The following FSTL4 variants were observed in gnomAD, a reference collection of about 807,000 sequenced individuals.
The protein encoded by FSTL4 is follistatin-related protein 4.
A neutral mutation model predicts 78.2 loss-of-function variants in FSTL4; 28 were observed. That is an observed-to-expected ratio of 0.36 (90% CI 0.27 to 0.49). The LOEUF is 0.49. FSTL4 is among the 20% of genes least tolerant of loss of function. The pLI is 0.98. For synonymous variants in FSTL4, 422 were observed against 440.5 expected (o/e 0.96, Z 0.53); for missense variants, 922 against 1,084.9 (o/e 0.85, Z 2.11).
chr5:133,448,347 G>A (rs900405944), intron 3 of FSTL4, among the ~76,000 whole-genome samples: 2 of 152,174 alleles, frequency 1.3e-5, no homozygotes, highest in African/African-American at 2.4e-5. Flanking sequence ...CACCCACACC[G>A]TCTGAAGGAG....
the FSTL4 span, among the ~76,000 whole-genome samples, chr5:133,689,208 C>T: frequency 3.9e-5 from 6 of 152,156 alleles, no homozygotes; most frequent in Non-Finnish European, 8.8e-5. Context: ...TCTGCCCTTG[C>T]CTTAGTTCCA....
At chr5:133,486,674 G>C (rs936713356) in intron 3 of FSTL4, among the ~76,000 whole-genome samples, 4 of 152,092 alleles carry the variant, frequency 2.6e-5, no homozygotes, top group African/African-American at 7.2e-5. Flanking sequence ...CAAAAACCTA[G>C]AAACGGCCCC....
chr5:133,804,479 C>T, the FSTL4 span, among the ~76,000 whole-genome samples: 3 of 151,950 alleles, frequency 2.0e-5, no homozygotes, highest in Non-Finnish European at 4.4e-5. Flanking sequence ...TGGCTGAAAA[C>T]ACACACACAG....
At chr5:133,783,569 G>A in the FSTL4 span, among the ~76,000 whole-genome samples, 6 of 152,186 alleles carry the variant, frequency 3.9e-5, no homozygotes, top group Non-Finnish European at 7.3e-5. Flanking sequence ...CCTCATCTGA[G>A]CTCCAGGCAA....
At chr5:133,781,558 C>T in the FSTL4 span, among the ~76,000 whole-genome samples, 2 of 152,160 alleles carry the variant, frequency 1.3e-5, no homozygotes, top group Admixed American at 6.5e-5. Context: ...CCAGATACCA[C>T]AGTGCTAGAG....
At chr5:133,781,103 C>A in the FSTL4 span, among the ~76,000 whole-genome samples, 1 of 152,180 alleles carries the variant, frequency 6.6e-6, no homozygotes, top group African/African-American at 2.4e-5. Flanking sequence ...ATGCTCTTGG[C>A]CCTCTGCATT....
At chr5:133,204,998 T>TTTAC (rs1272238886) in intron 14 of FSTL4, among the ~76,000 whole-genome samples, 1 of 117,578 alleles carries the variant, frequency 8.5e-6, no homozygotes, top group Non-Finnish European at 2.1e-5. Context: ...GATTTCATAC[T>TTTAC]TTTTTTTTGT....
chr5:133,785,433 CT>C, the FSTL4 span, among the ~76,000 whole-genome samples: 1 of 152,176 alleles, frequency 6.6e-6, no homozygotes, highest in African/African-American at 2.4e-5. Flanking sequence ...CAGGGAACCT[CT>C]ACATGCCCAG....
At position 133,249,484 on chromosome 5, in the gene FSTL4, C is replaced by T. The variant is rs151107205; in HGVS notation, c.820G>A (p.Gly274Arg). The T allele has an allele frequency of 2.7e-4, 429 of 1,613,650 alleles. No homozygotes were observed. The highest frequency in any genetic ancestry group is 3.3e-4 in the Non-Finnish European group (393 of 1,179,744). ...CAGATGATTGGTGGCCTCAGGTCTC[C>T]ATGGACGGCGCAGGTCAGCACTGTG... ...LSTVLTCAVH[G>R]DLRPPIIWKR... is the part of the protein sequence containing the mutation. The change falls in exon 7 of 16, where the codon GGA becomes AGA. Residue 274 changes from glycine to arginine, a missense_variant. Physicochemically the swap from Gly to Arg is moderately radical, Grantham distance 125. Coordinates refer to ENST00000265342, the MANE Select transcript of FSTL4 (RefSeq NM_015082.2).
At chr5:133,237,878 A>G (rs1349697891) in intron 7 of FSTL4, among the ~76,000 whole-genome samples, 2 of 147,880 alleles carry the variant, frequency 1.4e-5, no homozygotes, top group South Asian at 2.1e-4. Context: ...GCTCTGATGC[A>G]TAGAACTGTA....
chr5:133,479,206 G>GAC (rs1365673740), intron 3 of FSTL4, among the ~76,000 whole-genome samples: 55 of 152,302 alleles, frequency 3.6e-4, no homozygotes, highest in African/African-American at 1.3e-3. Context: ...ACAATCCCAT[G>GAC]AAGGCGGGGA....
At chr5:133,391,096 T>C (rs1028852153) in intron 4 of FSTL4, among the ~76,000 whole-genome samples, 1 of 152,172 alleles carries the variant, frequency 6.6e-6, no homozygotes, top group Non-Finnish European at 1.5e-5. Context: ...CATAAAACAC[T>C]TTGAGGCAGG....
the FSTL4 span, among the ~76,000 whole-genome samples, chr5:133,762,423 A>T: frequency 6.6e-6 from 1 of 152,220 alleles, no homozygotes; most frequent in South Asian, 2.1e-4. Context: ...TTTGGAATGT[A>T]GTCCCAGAAC....
chr5:133,702,166 G>A, the FSTL4 span, among the ~76,000 whole-genome samples: 2,643 of 152,264 alleles, frequency 0.017, 81 homozygotes, highest in African/African-American at 0.06. Context: ...GTAAACATAC[G>A]ACCCTTTAAT....
the FSTL4 span, among the ~76,000 whole-genome samples, chr5:133,620,188 A>C: frequency 3.3e-5 from 5 of 152,216 alleles, no homozygotes; most frequent in East Asian, 9.6e-4. Context: ...TTGGTGCCTA[A>C]AATTCTGGAA....
Position 133,403,010 on chromosome 5 carries a change from A to C in FSTL4, c.161-2024T>G, listed in dbSNP as rs1022972764. ...TGGAGGCCCCCCACTCACGGTGTTT[A>C]TGGCCGCTTTGCCATGGAGCATATT... On this transcript the variant is annotated intron_variant, in intron 3 of 15. Coordinates refer to ENST00000265342, the MANE Select transcript of FSTL4 (RefSeq NM_015082.2). Among the ~76,000 whole-genome samples the C allele has an allele frequency of 2.0e-5, 3 of 152,184 alleles. No individual in the cohort carries two copies. In the South Asian group the frequency reaches 6.2e-4, roughly 31 times the overall value.
intron 3 of FSTL4, among the ~76,000 whole-genome samples, chr5:133,545,809 A>G (rs146447256): frequency 6.6e-6 from 1 of 152,352 alleles, no homozygotes; most frequent in East Asian, 1.9e-4. Flanking sequence ...GGTGCAGAAG[A>G]GAAAACTAGG....
chr5:133,285,165 A>C (rs911666339), intron 6 of FSTL4, among the ~76,000 whole-genome samples: 2 of 152,218 alleles, frequency 1.3e-5, no homozygotes, highest in Non-Finnish European at 2.9e-5. Context: ...GGAGATTTGC[A>C]CAAAGTTTAT....
intron 3 of FSTL4, among the ~76,000 whole-genome samples, chr5:133,404,030 C>G (rs1756298101): frequency 6.6e-6 from 1 of 152,204 alleles, no homozygotes; most frequent in African/African-American, 2.4e-5. Context: ...CCTGTGGCTG[C>G]TGAAGTTGTC....
Sources: gnomAD v4.1 joint callset for allele counts (sites outside exome capture counted in the v4.1 genomes callset) on GRCh38, gnomAD v4.1.1 for gene constraint, MANE v1.5 for transcripts, NCBI Gene and HGNC (gene_info 2026-07-23, HGNC 2026-07-21) for gene names.